The following TUSC3 variants were observed in gnomAD, a reference collection of about 807,000 sequenced individuals.
TUSC3 encodes the protein tumor suppressor candidate 3, also known as dolichyl-diphosphooligosaccharide--protein glycosyltransferase subunit TUSC3.
TUSC3 carries 45 observed loss-of-function variants against 44.8 expected under a neutral mutation model. That is an observed-to-expected ratio of 1.00 (90% CI 0.79 to 1.29). The LOEUF (loss-of-function observed/expected upper bound fraction) is 1.29. TUSC3 is among the 50% of genes most tolerant of loss of function. TUSC3 has a pLI of 0.00. For missense variants in TUSC3, 519 were observed against 437.9 expected, an observed-to-expected ratio of 1.19 and a Z score of -1.65; for synonymous variants, 212 against 152.9, an observed-to-expected ratio of 1.39 and a Z score of -2.85.
intron 1 of TUSC3, among the ~76,000 whole-genome samples, chr8:15,620,328 C>T: frequency 6.6e-6 from 1 of 152,062 alleles, no homozygotes; most frequent in East Asian, 1.9e-4. Context: ...AATGATGGGA[C>T]TAACAGGCAT....
intron 2 of TUSC3, among the ~76,000 whole-genome samples, chr8:15,525,129 G>A (rs933496465): frequency 3.3e-5 from 5 of 152,166 alleles, no homozygotes; most frequent in Admixed American, 6.5e-5. Context: ...CAGAAACAAA[G>A]AGATTTCACA....
At chr8:15,625,643 A>C (rs772835934) in intron 2 of TUSC3, among the ~76,000 whole-genome samples, 1 of 152,236 alleles carries the variant, frequency 6.6e-6, no homozygotes, top group African/African-American at 2.4e-5. Context: ...GACTTGGTTT[A>C]GGCTTCTAAA....
chr8:15,767,138 T>C (rs901746281), downstream of TUSC3, among the ~76,000 whole-genome samples: 22 of 152,270 alleles, frequency 1.4e-4, no homozygotes, highest in African/African-American at 4.8e-4. Flanking sequence ...GGTACAAGTA[T>C]GCATTCATTA....
chr8:15,761,673 C>T (rs1563211310), intron 10 of TUSC3, among the ~76,000 whole-genome samples: 1 of 152,170 alleles, frequency 6.6e-6, no homozygotes, highest in Non-Finnish European at 1.5e-5. Context: ...AGAGTCCACA[C>T]AGAAGTTGAT....
chr8:15,421,577 T>C (rs1799738067), intron 1 of TUSC3, among the ~76,000 whole-genome samples: 1 of 152,212 alleles, frequency 6.6e-6, no homozygotes, highest in Non-Finnish European at 1.5e-5. Flanking sequence ...TTATTTGTTT[T>C]AGTTATTTGT....
In TUSC3 at chr8:15,736,190, C is replaced by G. The variant is rs557130051; in HGVS notation, c.862+5461C>G. ...AGAGTCACAAAACCTGACAAGATGT[C>G]TGATGGTGTGGCATTTACAGTCTAA... On this transcript the variant is annotated intron_variant, in intron 7 of 10. Transcript: ENST00000503731. Among the ~76,000 whole-genome samples the G allele has an allele frequency of 2.6e-5, 4 of 152,264 alleles. No individual in the cohort carries two copies. The South Asian group carries it at 8.3e-4, about 32-fold the overall frequency.
At chr8:15,851,334 A>C in the TUSC3 span, among the ~76,000 whole-genome samples, 1 of 152,342 alleles carries the variant, frequency 6.6e-6, no homozygotes, top group Non-Finnish European at 1.5e-5. Context: ...AGGATCTTAC[A>C]TTCTAGAGAA....
intron 2 of TUSC3, among the ~76,000 whole-genome samples, chr8:15,532,328 G>C (rs10104778): frequency 1.3e-5 from 2 of 152,140 alleles, no homozygotes; most frequent in Non-Finnish European, 2.9e-5. Context: ...AAAGAAAAAT[G>C]GTGTGTTTCA....
the TUSC3 span, among the ~76,000 whole-genome samples, chr8:15,850,421 T>C: frequency 2.0e-5 from 3 of 152,206 alleles, no homozygotes; most frequent in African/African-American, 7.2e-5. Flanking sequence ...TAAATTTGAC[T>C]TGCTGACATT....
chr8:15,651,382 G>C (rs1563154636), intron 3 of TUSC3, among the ~76,000 whole-genome samples: 1 of 152,166 alleles, frequency 6.6e-6, no homozygotes, highest in South Asian at 2.1e-4. Flanking sequence ...TTATTGACAA[G>C]TATTTTCTCT....
the TUSC3 span, among the ~76,000 whole-genome samples, chr8:15,810,914 AG>A: frequency 6.6e-6 from 1 of 152,144 alleles, no homozygotes; most frequent in Non-Finnish European, 1.5e-5. Context: ...CGCTGACACC[AG>A]GGAAGCAGGG....
chr8:15,686,338 G>A (rs1248436812), intron 6 of TUSC3, among the ~76,000 whole-genome samples: 2 of 151,794 alleles, frequency 1.3e-5, no homozygotes, highest in Non-Finnish European at 2.9e-5. Flanking sequence ...TACTGCTTGA[G>A]GATTGCTATG....
rs574977340 is a variant in TUSC3, at chr8:15,523,784, G to A, written n.189+40301G>A. Among the ~76,000 whole-genome samples, 35 of 149,430 alleles carry A rather than the reference G, an allele frequency of 2.3e-4. No individual in the cohort carries two copies. In the South Asian group the frequency reaches 5.1e-3, roughly 22 times the overall value. On this transcript the variant is annotated intron_variant and non_coding_transcript_variant, in intron 2 of 5. Coordinates refer to the TUSC3 transcript ENST00000503191. Reference sequence around the variant, plus strand: ...TAGAAAGTAAAAATAGAGGCAGGGCGCGGAGGCTTACGCCTGTAATCCCAG... The same window carrying A: ...TAGAAAGTAAAAATAGAGGCAGGGCACGGAGGCTTACGCCTGTAATCCCAG...
the TUSC3 span, among the ~76,000 whole-genome samples, chr8:15,790,049 G>T: frequency 2.0e-5 from 3 of 152,038 alleles, no homozygotes; most frequent in Non-Finnish European, 4.4e-5. Flanking sequence ...GTTGGCAGCC[G>T]TATTTATACT....
At chr8:15,473,785 A>G (rs1800531069) in intron 1 of TUSC3, among the ~76,000 whole-genome samples, 1 of 152,192 alleles carries the variant, frequency 6.6e-6, no homozygotes, top group Non-Finnish European at 1.5e-5. Flanking sequence ...CTTCTGAGGA[A>G]ACAGGACAAG....
At chr8:15,748,693 C>T (rs532790804) in intron 9 of TUSC3, 5 of 668,736 alleles carry the variant, frequency 7.5e-6, no homozygotes, top group Admixed American at 5.3e-5. Flanking sequence ...TCTAGACATA[C>T]ATATTTTTAT....
intron 1 of TUSC3, among the ~76,000 whole-genome samples, chr8:15,590,930 T>C (rs1393943297): frequency 1.3e-5 from 2 of 152,136 alleles, no homozygotes; most frequent in Non-Finnish European, 2.9e-5. Flanking sequence ...TGCCTTGGCC[T>C]CCCAGAGTGC....
At chr8:15,830,954 C>T in the TUSC3 span, among the ~76,000 whole-genome samples, 1 of 151,976 alleles carries the variant, frequency 6.6e-6, no homozygotes, top group Non-Finnish European at 1.5e-5. Flanking sequence ...TGCACCTTGC[C>T]ACGCTGTCAC....
chr8:15,705,131 C>G (rs1403051089), intron 6 of TUSC3, among the ~76,000 whole-genome samples: 3 of 149,144 alleles, frequency 2.0e-5, no homozygotes, highest in African/African-American at 7.4e-5. Context: ...TTTTTTTTTT[C>G]TCGGACCTTC....
Sources: allele counts gnomAD v4.1 joint callset (sites outside exome capture counted in the v4.1 genomes callset), GRCh38; gene constraint gnomAD v4.1.1; transcripts MANE v1.5; gene names NCBI Gene and HGNC (gene_info 2026-07-23, HGNC 2026-07-21).